EVI5: variants seen among roughly 807,000 people sequenced by gnomAD.
EVI5 encodes the protein ecotropic viral integration site 5.
In EVI5, 73 loss-of-function variants were observed where a neutral mutation model predicts 112.0. The ratio of observed to expected loss-of-function variants is 0.65; its 90% CI spans 0.54 to 0.79. The LOEUF is 0.79. Ranked by LOEUF, EVI5 falls within the 30% of genes least tolerant of loss-of-function variation. EVI5 has a pLI of 0.00. For missense variants in EVI5, 900 were observed against 968.8 expected (o/e 0.93, Z 0.94); for synonymous variants, 305 against 319.9 (o/e 0.95, Z 0.50).
At chr1:92,724,067 T>C (rs936491874) in intron 2 of EVI5, among the ~76,000 whole-genome samples, 9 of 152,192 alleles carry the variant, frequency 5.9e-5, no homozygotes, top group African/African-American at 9.7e-5. Context: ...CAGTGGGACA[T>C]AGACCCTCAT....
chr1:92,639,139 T>C (rs1421117302), intron 13 of EVI5, among the ~76,000 whole-genome samples: 1 of 152,178 alleles, frequency 6.6e-6, no homozygotes, highest in East Asian at 1.9e-4. Context: ...TGTAAATGAA[T>C]CTCATAATGT....
intron 13 of EVI5, among the ~76,000 whole-genome samples, chr1:92,645,943 C>A (rs189558581): frequency 5.3e-5 from 8 of 152,274 alleles, no homozygotes; most frequent in East Asian, 3.9e-4. Flanking sequence ...CAACTCTGAT[C>A]AAGACATGCC....
intron 2 of EVI5, among the ~76,000 whole-genome samples, chr1:92,717,491 T>C (rs1043401001): frequency 1.7e-4 from 26 of 152,118 alleles, no homozygotes; most frequent in Non-Finnish European, 2.9e-4. Flanking sequence ...GACAAGCAAA[T>C]GCTGAGAGAT....
At chr1:92,552,704 C>T (rs1006345643) in intron 19 of EVI5, among the ~76,000 whole-genome samples, 7 of 152,178 alleles carry the variant, frequency 4.6e-5, no homozygotes, top group African/African-American at 1.4e-4. Flanking sequence ...GCTGCGCACT[C>T]GAATTTTTTC....
chr1:92,591,981 C>T (rs1211077990), intron 18 of EVI5, among the ~76,000 whole-genome samples: 6 of 152,190 alleles, frequency 3.9e-5, no homozygotes, highest in Admixed American at 6.5e-5. Context: ...CGGTGGCTCA[C>T]GCTTGTAATC....
intron 1 of EVI5, among the ~76,000 whole-genome samples, chr1:92,772,364 A>G (rs1683531261): frequency 6.6e-6 from 1 of 151,782 alleles, no homozygotes; most frequent in South Asian, 2.1e-4. Context: ...TGGGAGGCCA[A>G]GGCGGGCTGA....
chr1:92,783,481 CTTAAAAAAAAAAAAAAA>C (rs1302740351), intron 1 of EVI5, among the ~76,000 whole-genome samples: 3 of 14,112 alleles, frequency 2.1e-4, no homozygotes, highest in African/African-American at 5.0e-4. Context: ...GAGACTCAGC[CTTAAAAAAAAAAAAAAA>C]AAAAAAAAAG....
At chr1:92,639,217 T>C (rs536670097) in intron 13 of EVI5, among the ~76,000 whole-genome samples, 6 of 152,324 alleles carry the variant, frequency 3.9e-5, no homozygotes, top group Middle Eastern at 3.4e-3. Context: ...CAGAGTCTGC[T>C]TTTCAATCCT....
At chr1:92,667,479 A>G (rs1665125705) in intron 10 of EVI5, among the ~76,000 whole-genome samples, 1 of 152,220 alleles carries the variant, frequency 6.6e-6, no homozygotes, top group Non-Finnish European at 1.5e-5. Context: ...TTACCTAATT[A>G]TTCAATGCCT....
chr1:92,650,239 A>G (rs1201218401), intron 13 of EVI5, among the ~76,000 whole-genome samples: 1 of 152,130 alleles, frequency 6.6e-6, no homozygotes, highest in Admixed American at 6.5e-5. Context: ...GATAGGTTTG[A>G]TAGGATTGAA....
At chr1:92,781,895 C>T (rs1207757772) in intron 1 of EVI5, among the ~76,000 whole-genome samples, 6 of 135,038 alleles carry the variant, frequency 4.4e-5, no homozygotes, top group African/African-American at 1.7e-4. Context: ...ATCAAGATTG[C>T]AGTGAGCCGT....
rs148768318 is a variant in EVI5 at position 92,587,194 on chromosome 1, T to C, written c.2070+18113A>G. Among the ~76,000 whole-genome samples the C allele has an allele frequency of 1.2e-4, 19 of 152,292 alleles. No individual in the cohort carries two copies. In the East Asian group the frequency reaches 2.5e-3, roughly 20 times the overall value. ...AATCTCGCAATCCCTAATGACTAGA[T>C]AGCAAGCTAGGTAAAGCAGTCTATG... On this transcript the variant is annotated intron_variant, in intron 18 of 19. Transcript: ENST00000684568.
At chr1:92,653,178 A>C (rs1411698368) in intron 13 of EVI5, among the ~76,000 whole-genome samples, 1 of 152,118 alleles carries the variant, frequency 6.6e-6, no homozygotes, top group East Asian at 1.9e-4. Flanking sequence ...TGCCCAGGGA[A>C]CCTCAGCCTT....
At chr1:92,783,503 A>G (rs1451512769) in intron 1 of EVI5, among the ~76,000 whole-genome samples, 21 of 148,098 alleles carry the variant, frequency 1.4e-4, no homozygotes, top group Non-Finnish European at 2.2e-4. Flanking sequence ...AAAAAAAAAA[A>G]AAAAGAAAAG....
chr1:92,755,086 T>TC (rs1680743444), intron 1 of EVI5, among the ~76,000 whole-genome samples: 2 of 151,332 alleles, frequency 1.3e-5, no homozygotes, highest in South Asian at 2.1e-4. Flanking sequence ...TTTTTTTTTT[T>TC]TTTGCATCTG....
chr1:92,611,922 A>G (rs973412078), intron 16 of EVI5, among the ~76,000 whole-genome samples: 30 of 152,010 alleles, frequency 2.0e-4, no homozygotes, highest in African/African-American at 6.8e-4. Flanking sequence ...CCTATTTAAA[A>G]AAGAAAAAAA....
chr1:92,709,221 T>C (rs765576529), intron 2 of EVI5, among the ~76,000 whole-genome samples: 7 of 152,182 alleles, frequency 4.6e-5, no homozygotes, highest in Non-Finnish European at 8.8e-5. Context: ...ATGATGGACA[T>C]TTTCTAATAT....
intron 13 of EVI5, among the ~76,000 whole-genome samples, chr1:92,653,589 C>G (rs563569514): frequency 6.6e-6 from 1 of 152,344 alleles, no homozygotes; most frequent in Non-Finnish European, 1.5e-5. Context: ...CCACAGGAAA[C>G]TGGCATGGGT....
chr1:92,725,105 G>A (rs1675366722), intron 2 of EVI5, among the ~76,000 whole-genome samples: 1 of 152,134 alleles, frequency 6.6e-6, no homozygotes, highest in Non-Finnish European at 1.5e-5. Flanking sequence ...AGAGATGAAA[G>A]AACTATACAG....
Sources: allele counts gnomAD v4.1 joint callset (sites outside exome capture counted in the v4.1 genomes callset), GRCh38; gene constraint gnomAD v4.1.1; transcripts MANE v1.5; gene names NCBI Gene and HGNC (gene_info 2026-07-23, HGNC 2026-07-21).